The following FBXO10 variants were observed in gnomAD, a reference collection of about 807,000 sequenced individuals.
The protein encoded by FBXO10 is F-box only protein 10.
In FBXO10, 39 loss-of-function variants were observed where a neutral mutation model predicts 80.7. That is an observed-to-expected ratio of 0.48 (90% confidence interval 0.37 to 0.63). The LOEUF is 0.63. FBXO10 is among the 30% of genes least tolerant of loss of function. The pLI, the probability that FBXO10 is intolerant of heterozygous loss-of-function variation, is 0.00. For missense variants in FBXO10, 1,025 were observed against 1,269.0 expected, an observed-to-expected ratio of 0.81 and a Z score of 2.92; for synonymous variants, 449 against 489.6, an observed-to-expected ratio of 0.92 and a Z score of 1.09.
At chr9:37,522,438 AAG>A (rs1821367863) in intron 7 of FBXO10, 3 of 1,037,830 alleles carry the variant, frequency 2.9e-6, no homozygotes, top group Non-Finnish European at 3.5e-6. Context: ...CGTGAGTGAG[AAG>A]AGTTTTCTTC....
intron 7 of FBXO10, 110 bp downstream of exon 7, chr9:37,522,715 A>G: frequency 1.5e-6 from 2 of 1,313,686 alleles, no homozygotes; most frequent in African/African-American, 1.5e-5. Context: ...GCCTGTTCAG[A>G]TGAGGTCTTT....
Position 37,537,149 on chromosome 9 carries a change from C to G in FBXO10, c.1380G>C (p.Arg460=). 1.2e-6 allele frequency: 2 copies of G among 1,613,780 alleles called. No individual in the cohort carries two copies. The highest frequency in any genetic ancestry group is 1.7e-6 in the Non-Finnish European group (2 of 1,179,820). Residue 460 remains arginine (R), a synonymous_variant, in exon 3 of 11, where the codon CGG becomes CGC. Transcript: ENST00000432825. ...GRAKMEGNIF[R]NLTYAVRCIH... Reference sequence around the variant, plus strand: ...TACACCGCACTGCGTAAGTCAGGTTCCGGAAGATGTTTCCTTCCATCTTGG... The same window carrying G: ...TACACCGCACTGCGTAAGTCAGGTTGCGGAAGATGTTTCCTTCCATCTTGG...
At chr9:37,557,732 T>C (rs1254544823) in intron 1 of FBXO10, among the ~76,000 whole-genome samples, 1 of 152,184 alleles carries the variant, frequency 6.6e-6, no homozygotes, top group African/African-American at 2.4e-5. Flanking sequence ...ATGGTTTACA[T>C]TTATCTTTCT....
At chr9:37,547,280 T>C (rs566916163) in intron 1 of FBXO10, among the ~76,000 whole-genome samples, 98 of 152,216 alleles carry the variant, frequency 6.4e-4, no homozygotes, top group African/African-American at 2.2e-3. Flanking sequence ...GACAAGAACA[T>C]GTATGAACCT....
intron 1 of FBXO10, among the ~76,000 whole-genome samples, chr9:37,566,822 C>G (rs1352674476): frequency 6.6e-6 from 1 of 152,152 alleles, no homozygotes; most frequent in Non-Finnish European, 1.5e-5. Context: ...TTCTTCAAAC[C>G]GTAGCTCTCT....
Position 37,531,199 on chromosome 9 carries a change from T to A in FBXO10, c.1569+710A>T, listed in dbSNP as rs59525122. ...CTGGCGTATAATAAGCATTATGTAT[T>A]AATGGTGGCTATTATTTTTTCAAGC... On this transcript the variant is annotated intron_variant, in intron 4 of 10. Transcript: ENST00000432825. Among the ~76,000 whole-genome samples the A allele has an allele frequency of 6.8e-3, 1,031 of 152,338 alleles. 20 individuals are homozygous for A. The highest frequency in any genetic ancestry group is 0.022 in the African/African-American group (930 of 41,568).
rs758760866 is a variant in FBXO10, at chr9:37,537,677, G to A, written c.852C>T (p.Leu284=). 1.2e-6 allele frequency: 2 copies of A among 1,614,024 alleles called. No homozygotes were observed. The highest frequency in any genetic ancestry group is 8.5e-7 in the Non-Finnish European group (1 of 1,179,904). The change falls in exon 3 of 11, where the codon CTC becomes CTT. Residue 284 remains leucine (L), a synonymous_variant. Transcript: ENST00000432825. The part of the protein sequence containing the change: ...LGLIKSSPTF[L]PTEDSDFLMS... ...TTAAAAAGTCAGAGTCCTCTGTGGGGAGAAAAGTGGGTGAGGACTTGATAA... is the reference window on the plus strand; with the variant it reads ...TTAAAAAGTCAGAGTCCTCTGTGGGAAGAAAAGTGGGTGAGGACTTGATAA...
At chr9:37,541,826 TCCC>T in intron 1 of FBXO10, 52 bp from the exon 2 acceptor site, 1 of 1,420,886 alleles carries the variant, frequency 7.0e-7, no homozygotes, top group Non-Finnish European at 9.5e-7. Context: ...TACTTACCAG[TCCC>T]CCTTTTTTAT....
intron 9 of FBXO10, among the ~76,000 whole-genome samples, chr9:37,516,387 G>A (rs2119046997): frequency 6.6e-6 from 1 of 152,216 alleles, no homozygotes; most frequent in East Asian, 1.9e-4. Context: ...CAGAAGTCAG[G>A]GCCACTGGCA....
intron 10 of FBXO10, 46 bp downstream of exon 10, chr9:37,515,858 T>A (rs763251528): frequency 1.3e-6 from 2 of 1,582,054 alleles, no homozygotes; most frequent in Admixed American, 3.5e-5. Context: ...TTCAGGGAGC[T>A]TACTGTGGCT....
chr9:37,523,037 T>TAGG, intron 6 of FBXO10, 60 bp from the exon 7 acceptor site: 2 of 1,552,164 alleles, frequency 1.3e-6, no homozygotes. Context: ...TGCTGGCAAA[T>TAGG]AGGACTTGGA....
rs756793633 is a variant in FBXO10, at chr9:37,546,713, C to CT, written c.-6-4940dup. On this transcript the variant is annotated intron_variant, in intron 1 of 10. Coordinates refer to ENST00000432825, the MANE Select transcript of FBXO10 (RefSeq NM_012166.3). ...ATCATGGAGTAACTCCTAGAGATGTCTTTTTTTTTTTTTTTGGATGCAGTG... is the reference window on the plus strand; with the variant it reads ...ATCATGGAGTAACTCCTAGAGATGTCTTTTTTTTTTTTTTTTGGATGCAGTG... 8.8e-3 allele frequency among the ~76,000 whole-genome samples: 1,257 copies of CT among 142,168 alleles called. 14 individuals carry two copies. The highest frequency in any genetic ancestry group is 0.025 in the African/African-American group (991 of 38,972). The allele number at this position is 142,168 out of a possible 152,430, so 93.3% of individuals were successfully genotyped here.
intron 1 of FBXO10, among the ~76,000 whole-genome samples, chr9:37,561,909 T>G (rs1271511518): frequency 1.3e-5 from 2 of 152,180 alleles, no homozygotes; most frequent in Non-Finnish European, 2.9e-5. Flanking sequence ...TTTAAAGCCA[T>G]GGCATGGACT....
intron 1 of FBXO10, among the ~76,000 whole-genome samples, chr9:37,548,772 G>A (rs187127891): frequency 2.0e-5 from 3 of 151,340 alleles, no homozygotes; most frequent in African/African-American, 4.9e-5. Context: ...CTTTTGAGAC[G>A]GAGTCTCCCT....
chr9:37,554,264 T>C (rs1822281257), intron 1 of FBXO10, among the ~76,000 whole-genome samples: 1 of 152,204 alleles, frequency 6.6e-6, no homozygotes, highest in Non-Finnish European at 1.5e-5. Context: ...CAACCATTAA[T>C]CTGTCCTCCA....
chr9:37,563,797 G>T (rs904304576), intron 1 of FBXO10, among the ~76,000 whole-genome samples: 1 of 151,970 alleles, frequency 6.6e-6, no homozygotes. Context: ...AAAATTTGCA[G>T]GAGATCATTT....
chr9:37,564,197 C>T (rs1040253841), intron 1 of FBXO10, among the ~76,000 whole-genome samples: 1 of 152,240 alleles, frequency 6.6e-6, no homozygotes, highest in Non-Finnish European at 1.5e-5. Flanking sequence ...TAGTGTTGAG[C>T]CTGTGGGTGC....
Position 37,537,476 on chromosome 9 carries a change from C to A in FBXO10, c.1053G>T (p.Pro351=). 6.2e-7 allele frequency: 1 copy of A among 1,608,094 alleles called. No homozygotes were observed. The highest frequency in any genetic ancestry group is 2.2e-5 in the East Asian group (1 of 44,684). Residue 351 remains proline, a synonymous_variant, in exon 3 of 11, where the codon CCG becomes CCT. Transcript: ENST00000432825. Reference sequence around the variant, plus strand: ...GACTCAGGCCTCCATCGCTGCTGTCCGGGGTCTGGGCCACCCTTTCACCAT... The same window carrying A: ...GACTCAGGCCTCCATCGCTGCTGTCAGGGGTCTGGGCCACCCTTTCACCAT... ...GSDGERVAQT[P]DSSDGGLSPS...
intron 1 of FBXO10, among the ~76,000 whole-genome samples, chr9:37,553,568 T>C (rs34012064): frequency 0.16 from 24,997 of 151,636 alleles, 2,168 homozygotes; most frequent in Middle Eastern, 0.25. Flanking sequence ...CTTTAAAAAA[T>C]GTTCATTGAG....
Sources: gnomAD v4.1 joint callset for allele counts (sites outside exome capture counted in the v4.1 genomes callset) on GRCh38, gnomAD v4.1.1 for gene constraint, MANE v1.5 for transcripts, NCBI Gene and HGNC (gene_info 2026-07-23, HGNC 2026-07-21) for gene names.